TNIK: variants seen among roughly 807,000 people sequenced by gnomAD.
TNIK encodes the protein TRAF2 and NCK-interacting protein kinase.
Under a neutral mutation model 191.3 loss-of-function variants are expected in TNIK, and 49 were observed. That is an observed-to-expected ratio of 0.26 (90% CI 0.20 to 0.32). The LOEUF is 0.32. Ranked by LOEUF, TNIK falls within the 10% of genes least tolerant of loss-of-function variation. TNIK has a pLI of 1.00. For missense variants in TNIK, 1,155 were observed against 1,702.3 expected, an observed-to-expected ratio of 0.68 and a Z score of 5.66; for synonymous variants, 594 against 600.9, an observed-to-expected ratio of 0.99 and a Z score of 0.17.
intron 28 of TNIK, among the ~76,000 whole-genome samples, chr3:171,077,780 T>C (rs565637448): frequency 1.3e-5 from 2 of 152,190 alleles, no homozygotes; most frequent in South Asian, 4.2e-4. Context: ...TCTCTCTCTC[T>C]ACATATGTAT....
intron 12 of TNIK, among the ~76,000 whole-genome samples, chr3:171,145,400 AAC>A (rs1259839698): frequency 2.0e-5 from 3 of 151,956 alleles, no homozygotes; most frequent in Non-Finnish European, 2.9e-5. Flanking sequence ...CTATCTCTTG[AAC>A]ACACAGACTT....
chr3:171,180,813 C>T (rs9870583), intron 7 of TNIK, among the ~76,000 whole-genome samples: 76,907 of 152,002 alleles, frequency 0.51, 20,954 homozygotes, highest in East Asian at 0.87. Context: ...CATTTTTCCC[C>T]TTATCATTTT....
chr3:171,188,648 A>T, intron 7 of TNIK, 54 bp downstream of exon 7: 1 of 1,598,536 alleles, frequency 6.3e-7, no homozygotes, highest in Non-Finnish European at 8.5e-7. Flanking sequence ...AGACTTTATA[A>T]GACTCAGGAT....
At chr3:171,355,227 G>A (rs1713855454) in intron 2 of TNIK, among the ~76,000 whole-genome samples, 1 of 152,134 alleles carries the variant, frequency 6.6e-6, no homozygotes, top group Non-Finnish European at 1.5e-5. Context: ...TTGCCTCAGA[G>A]GGCTTGGCTT....
intron 1 of TNIK, among the ~76,000 whole-genome samples, chr3:171,412,739 G>C (rs1722566901): frequency 6.6e-6 from 1 of 152,230 alleles, no homozygotes; most frequent in Non-Finnish European, 1.5e-5. Flanking sequence ...TACTGTGCTA[G>C]ATATGTGACT....
intron 2 of TNIK, among the ~76,000 whole-genome samples, chr3:171,245,966 A>AAC (rs1341939423): frequency 2.6e-5 from 4 of 152,174 alleles, no homozygotes; most frequent in African/African-American, 9.7e-5. Flanking sequence ...GCAGATGAAG[A>AAC]ACGGAAGTAG....
chr3:171,190,692 C>G lies in TNIK; in HGVS notation c.508+5G>C, dbSNP rs192028546. On this transcript the variant is annotated splice_donor_5th_base_variant and intron_variant, in intron 6 of 32. Transcript: ENST00000436636. Reference sequence around the variant, plus strand: ...ATTCCAAGGCTCACAGGATTCTGCTCTTACCTAGTTTAACTTCTGCATTTT... The same window carrying G: ...ATTCCAAGGCTCACAGGATTCTGCTGTTACCTAGTTTAACTTCTGCATTTT... 151 of 1,580,792 alleles carry G rather than the reference C, an allele frequency of 9.6e-5. No individual in the cohort carries two copies. The highest frequency in any genetic ancestry group is 6.6e-4 in the Middle Eastern group (4 of 6,028).
intron 2 of TNIK, among the ~76,000 whole-genome samples, chr3:171,241,962 C>T (rs1435834466): frequency 7.0e-6 from 1 of 142,654 alleles, no homozygotes; most frequent in African/African-American, 2.6e-5. Flanking sequence ...GGGAATTGAA[C>T]AATGAGAACA....
chr3:171,298,850 A>C (rs1752594749), intron 2 of TNIK, among the ~76,000 whole-genome samples: 1 of 152,260 alleles, frequency 6.6e-6, no homozygotes. Context: ...TCACCTAACC[A>C]GCTTCACAAA....
At position 171,285,921 on chromosome 3, in the gene TNIK, C is replaced by T. The variant is rs749252002; in HGVS notation, c.124-57700G>A. Among the ~76,000 whole-genome samples the T allele has an allele frequency of 7.2e-5, 11 of 152,158 alleles. No homozygotes were observed. In the East Asian group the frequency reaches 9.6e-4, roughly 13 times the overall value. On this transcript the variant is annotated intron_variant, in intron 2 of 32. Coordinates refer to ENST00000436636, the MANE Select transcript of TNIK (RefSeq NM_015028.4). ...AATGGATTCTTTACCAAAATCACTTCGGGGCAAATTGGCTATTCTGGAATT... is the reference window on the plus strand; with the variant it reads ...AATGGATTCTTTACCAAAATCACTTTGGGGCAAATTGGCTATTCTGGAATT...
At chr3:171,263,149 T>G (rs959269391) in intron 2 of TNIK, among the ~76,000 whole-genome samples, 1 of 152,180 alleles carries the variant, frequency 6.6e-6, no homozygotes. Context: ...GGGATAAACT[T>G]GAAGGTCTAT....
At chr3:171,177,010 G>C (rs969227373) in intron 8 of TNIK, among the ~76,000 whole-genome samples, 36 of 152,136 alleles carry the variant, frequency 2.4e-4, no homozygotes, top group African/African-American at 8.4e-4. Context: ...TTGTGAGTTG[G>C]TCACAGTTTT....
intron 15 of TNIK, among the ~76,000 whole-genome samples, chr3:171,137,171 GACA>G (rs1391917705): frequency 1.6e-5 from 2 of 124,324 alleles, no homozygotes; most frequent in African/African-American, 3.2e-5. Context: ...TTAACATTAG[GACA>G]ACATTATGTC....
intron 2 of TNIK, among the ~76,000 whole-genome samples, chr3:171,275,821 C>T (rs1043061844): frequency 1.6e-4 from 24 of 152,034 alleles, no homozygotes; most frequent in Middle Eastern, 3.4e-3. Context: ...GGTGTGAACC[C>T]GGGAGGCGGA....
intron 4 of TNIK, among the ~76,000 whole-genome samples, chr3:171,206,821 C>T (rs1382284841): frequency 2.0e-5 from 3 of 151,956 alleles, no homozygotes; most frequent in South Asian, 2.1e-4. Context: ...TATTAACCAC[C>T]CCTCTCCTTC....
chr3:171,348,364 G>C (rs1416097797), intron 2 of TNIK, among the ~76,000 whole-genome samples: 1 of 152,044 alleles, frequency 6.6e-6, no homozygotes, highest in African/African-American at 2.4e-5. Flanking sequence ...AAATTTTAAG[G>C]ATATAACAGA....
intron 1 of TNIK, among the ~76,000 whole-genome samples, chr3:171,378,023 T>C (rs1038698202): frequency 1.3e-5 from 2 of 152,186 alleles, no homozygotes; most frequent in African/African-American, 4.8e-5. Flanking sequence ...AGCCAGAGAA[T>C]GGGCAGTGAC....
chr3:171,247,660 C>T (rs950159522), intron 2 of TNIK, among the ~76,000 whole-genome samples: 7 of 151,910 alleles, frequency 4.6e-5, no homozygotes, highest in East Asian at 1.9e-4. Context: ...AAACAACCAG[C>T]GGGTGGGAAA....
intron 30 of TNIK, 29 bp from the exon 31 acceptor site, chr3:171,066,764 T>A: frequency 6.3e-7 from 1 of 1,599,192 alleles, no homozygotes; most frequent in Non-Finnish European, 8.5e-7. Context: ...CCAAGCATTA[T>A]TCTTTTAAAA....
Sources: gnomAD v4.1 joint callset for allele counts (sites outside exome capture counted in the v4.1 genomes callset) on GRCh38, gnomAD v4.1.1 for gene constraint, MANE v1.5 for transcripts, NCBI Gene and HGNC (gene_info 2026-07-23, HGNC 2026-07-21) for gene names.